Variants in VWA2 observed in about 807,000 individuals in gnomAD.
VWA2 encodes von Willebrand factor A domain-containing protein 2.
A neutral mutation model predicts 70.4 loss-of-function variants in VWA2; 73 were observed. The observed-to-expected ratio is 1.04, with a 90% CI of 0.86 to 1.26. VWA2 has a LOEUF of 1.26. VWA2 is among the 50% of genes most tolerant of loss of function. The pLI, the probability that VWA2 is intolerant of heterozygous loss-of-function variation, is 0.00. For synonymous variants in VWA2, 407 were observed against 423.3 expected, an observed-to-expected ratio of 0.96 and a Z score of 0.47; for missense variants, 1,011 against 998.5, an observed-to-expected ratio of 1.01 and a Z score of -0.17.
In VWA2 at chr10:114,279,429, T is replaced by A. The variant is rs574831954; in HGVS notation, c.833+578T>A. On this transcript the variant is annotated intron_variant, in intron 8 of 13. Coordinates refer to ENST00000392982, the MANE Select transcript of VWA2 (RefSeq NM_001272046.2). Reference sequence around the variant, plus strand: ...AGACTGGTGACCCTGCCCCTCTCCCTTTCTGGGGGGCCGGGGCAGTGTTTG... The same window carrying A: ...AGACTGGTGACCCTGCCCCTCTCCCATTCTGGGGGGCCGGGGCAGTGTTTG... Among the ~76,000 whole-genome samples the A allele has an allele frequency of 2.6e-5, 4 of 151,740 alleles. No individual in the cohort carries two copies. In the South Asian group the frequency reaches 8.4e-4, roughly 32 times the overall value.
chr10:114,266,026 G>A (rs917143151), intron 5 of VWA2, among the ~76,000 whole-genome samples: 6 of 152,094 alleles, frequency 3.9e-5, no homozygotes, highest in Non-Finnish European at 8.8e-5. Flanking sequence ...GGCCGGGCGC[G>A]GTGGCTCACG....
chr10:114,289,917 G>A lies in VWA2; in HGVS notation c.2123-323G>A, dbSNP rs114026411. 1,050 of 312,984 alleles carry A rather than the reference G, an allele frequency of 3.4e-3. 10 individuals carry two copies. The highest frequency in any genetic ancestry group is 0.021 in the African/African-American group (1,007 of 47,158). The allele number at this position is 312,984 out of a possible 1,614,324, so 19.4% of individuals were successfully genotyped here. Reference sequence around the variant, plus strand: ...AGAGACAGGAGAATCACTTGAACCCGGGAGGTGGAGGTTGTGGTGAGCCAA... The same window carrying A: ...AGAGACAGGAGAATCACTTGAACCCAGGAGGTGGAGGTTGTGGTGAGCCAA... On this transcript the variant is annotated intron_variant, in intron 12 of 13. Transcript: ENST00000392982.
chr10:114,277,619 G>A (rs764415049), intron 6 of VWA2, among the ~76,000 whole-genome samples: 2 of 152,178 alleles, frequency 1.3e-5, no homozygotes, highest in African/African-American at 4.8e-5. Context: ...TGTGCTGGCC[G>A]CTTCCTCTAG....
intron 2 of VWA2, among the ~76,000 whole-genome samples, chr10:114,251,281 G>A (rs972110208): frequency 6.6e-6 from 1 of 152,230 alleles, no homozygotes; most frequent in Non-Finnish European, 1.5e-5. Context: ...TGTTCAGGGG[G>A]AGCCTCTGCA....
At position 114,242,696 on chromosome 10, in the gene VWA2, C is replaced by T. The variant is rs141298140; in HGVS notation, c.-11+3127C>T. ...GCTGGACTCTAAGCTGGGTTTTTCT[C>T]GCTCTGTGGCCTTGGGTCTCGTCTT... is the stretch of plus-strand genomic sequence containing the variant. On this transcript the variant is annotated intron_variant, in intron 1 of 13. Coordinates refer to ENST00000392982, the MANE Select transcript of VWA2 (RefSeq NM_001272046.2). Among the ~76,000 whole-genome samples, 309 of 152,024 alleles carry T rather than the reference C, an allele frequency of 2.0e-3. 1 individual carries two copies. The highest frequency in any genetic ancestry group is 7.0e-3 in the African/African-American group (288 of 41,436).
chr10:114,253,768 C>T (rs2037259402), intron 3 of VWA2, 43 bp downstream of exon 3: 1 of 1,548,460 alleles, frequency 6.5e-7, no homozygotes. Flanking sequence ...CCCACTCAGA[C>T]CTCTGTGTGA....
chr10:114,246,119 C>A, intron 1 of VWA2: 1 of 798,858 alleles, frequency 1.3e-6, no homozygotes, highest in Non-Finnish European at 2.0e-6. Flanking sequence ...GAAGGTAGAT[C>A]TCTGGAGCCT....
At chr10:114,268,853 C>A (rs2037637492) in intron 5 of VWA2, among the ~76,000 whole-genome samples, 1 of 152,132 alleles carries the variant, frequency 6.6e-6, no homozygotes, top group Admixed American at 6.5e-5. Flanking sequence ...CGCCACCATG[C>A]CTGGCTAATT....
At chr10:114,271,545 G>A (rs1373363799) in intron 5 of VWA2, among the ~76,000 whole-genome samples, 2 of 151,918 alleles carry the variant, frequency 1.3e-5, no homozygotes, top group African/African-American at 4.8e-5. Context: ...CTGCTTGGAG[G>A]GGAGCCAACC....
Position 114,289,338 on chromosome 10 carries a change from C to T in VWA2, c.1971C>T (p.Asn657=). 6.2e-7 allele frequency: 1 copy of T among 1,614,248 alleles called. No individual in the cohort carries two copies. The highest frequency in any genetic ancestry group is 8.5e-7 in the Non-Finnish European group (1 of 1,180,038). ...CCGTTCCTGCCCAGAAGCTGAGGAA[C>T]AATGGCATCTCTGTCTTGGTCGTGG... ...DAAVPAQKLR[N]NGISVLVVGV... Residue 657 remains asparagine, a synonymous_variant, in exon 12 of 14, where the codon AAC becomes AAT. Coordinates refer to ENST00000392982, the MANE Select transcript of VWA2 (RefSeq NM_001272046.2).
intron 4 of VWA2, among the ~76,000 whole-genome samples, chr10:114,257,861 C>G (rs962578032): frequency 6.6e-6 from 1 of 152,224 alleles, no homozygotes; most frequent in African/African-American, 2.4e-5. Context: ...GCCAAACAGT[C>G]AGTGCCCATG....
intron 3 of VWA2, among the ~76,000 whole-genome samples, chr10:114,254,012 A>G (rs960456310): frequency 6.6e-6 from 1 of 151,670 alleles, no homozygotes; most frequent in African/African-American, 2.4e-5. Context: ...ATTGCACTCC[A>G]GCCTGGGCAA....
At position 114,291,926 on chromosome 10, in the gene VWA2, G is replaced by A. The variant is rs2039638006; in HGVS notation, c.*689G>A. Among the ~76,000 whole-genome samples, 1 of 152,130 alleles carries A rather than the reference G, an allele frequency of 6.6e-6. No individual in the cohort carries two copies. Among genetic ancestry groups the A allele is most frequent in the Admixed American group, 6.5e-5 (1 of 15,274 alleles). On this transcript the variant is annotated 3_prime_UTR_variant, in exon 14 of 14. Coordinates refer to ENST00000392982, the MANE Select transcript of VWA2 (RefSeq NM_001272046.2). ...GTGTGCAATGGGCCCAGGTCTGGAG[G>A]GGCCACGTAAAATCGTTCTGAGTCG...
At chr10:114,249,842 T>C (rs2037158298) in intron 2 of VWA2, among the ~76,000 whole-genome samples, 1 of 152,196 alleles carries the variant, frequency 6.6e-6, no homozygotes, top group Non-Finnish European at 1.5e-5. Context: ...AACTTTTCAG[T>C]GACTTTCTGT....
intron 5 of VWA2, among the ~76,000 whole-genome samples, chr10:114,268,728 T>A (rs1187647239): frequency 2.0e-5 from 3 of 149,496 alleles, no homozygotes; most frequent in African/African-American, 7.4e-5. Flanking sequence ...GGAGTCTCGC[T>A]CTGTCGCTGA....
At chr10:114,285,871 C>A in intron 10 of VWA2, 68 bp from the exon 11 acceptor site, 1 of 1,457,702 alleles carries the variant, frequency 6.9e-7, no homozygotes, top group Non-Finnish European at 9.1e-7. Context: ...TGTTCGGCAT[C>A]TCGGGTGGGA....
chr10:114,285,893 C>T (rs1459208069), intron 10 of VWA2, 46 bp from the exon 11 acceptor site: 2 of 1,529,228 alleles, frequency 1.3e-6, no homozygotes, highest in East Asian at 2.3e-5. Context: ...AGCTCGCATG[C>T]CGCATGACCA....
chr10:114,276,031 T>A (rs906480098), intron 6 of VWA2, among the ~76,000 whole-genome samples: 4 of 152,266 alleles, frequency 2.6e-5, no homozygotes, highest in Non-Finnish European at 5.9e-5. Context: ...GTCTCATCGC[T>A]GTCCAGTTAG....
intron 6 of VWA2, among the ~76,000 whole-genome samples, chr10:114,277,480 C>A (rs7075077): frequency 6.6e-6 from 1 of 152,012 alleles, no homozygotes; most frequent in Non-Finnish European, 1.5e-5. Context: ...CCACACCCCC[C>A]CTCCGACTGT....
Sources: gnomAD v4.1 joint callset for allele counts (sites outside exome capture counted in the v4.1 genomes callset) on GRCh38, gnomAD v4.1.1 for gene constraint, MANE v1.5 for transcripts, NCBI Gene and HGNC (gene_info 2026-07-23, HGNC 2026-07-21) for gene names.